Variants in TRAPPC9 observed in about 807,000 individuals in gnomAD.
TRAPPC9 encodes the protein IKK2 binding protein.
A neutral mutation model predicts 124.0 loss-of-function variants in TRAPPC9; 83 were observed. The observed-to-expected ratio is 0.67, with a 90% confidence interval of 0.56 to 0.80. The LOEUF (loss-of-function observed/expected upper bound fraction) is 0.80. TRAPPC9 is among the 30% of genes least tolerant of loss of function. The pLI is 0.00. For missense variants in TRAPPC9, 1,302 were observed against 1,508.3 expected, an observed-to-expected ratio of 0.86 and a Z score of 2.27; for synonymous variants, 638 against 617.5, an observed-to-expected ratio of 1.03 and a Z score of -0.49.
chr8:139,845,822 G>C (rs1827039427), intron 21 of TRAPPC9, among the ~76,000 whole-genome samples: 1 of 152,374 alleles, frequency 6.6e-6, no homozygotes, highest in East Asian at 1.9e-4. Context: ...GCTACTTGCA[G>C]CCAAGTAGAC....
intron 17 of TRAPPC9, among the ~76,000 whole-genome samples, chr8:140,120,580 A>G (rs1462075937): frequency 1.3e-5 from 2 of 151,920 alleles, no homozygotes; most frequent in East Asian, 3.9e-4. Context: ...ACATCCATCC[A>G]TCCATTCATC....
At chr8:139,989,691 C>T (rs1323140703) in intron 18 of TRAPPC9, among the ~76,000 whole-genome samples, 1 of 152,180 alleles carries the variant, frequency 6.6e-6, no homozygotes, top group Non-Finnish European at 1.5e-5. Flanking sequence ...GGGTCGGAGG[C>T]GCTTGAGAGC....
At chr8:139,795,738 G>A (rs1376301068) in intron 21 of TRAPPC9, among the ~76,000 whole-genome samples, 2 of 152,100 alleles carry the variant, frequency 1.3e-5, no homozygotes, top group Non-Finnish European at 2.9e-5. Flanking sequence ...ATGTCATGAT[G>A]CTCTCCTGGG....
At chr8:140,392,510 T>A (rs1019394027) in intron 7 of TRAPPC9, among the ~76,000 whole-genome samples, 1 of 152,212 alleles carries the variant, frequency 6.6e-6, no homozygotes, top group South Asian at 2.1e-4. Context: ...GTTTATCTGC[T>A]CAGTACCCAT....
chr8:140,105,815 G>A, intron 17 of TRAPPC9, among the ~76,000 whole-genome samples: 1 of 152,254 alleles, frequency 6.6e-6, no homozygotes, highest in East Asian at 1.9e-4. Flanking sequence ...ACTGCATGCA[G>A]TCTGAATCTC....
At chr8:140,443,196 G>A (rs2071098384) in intron 2 of TRAPPC9, among the ~76,000 whole-genome samples, 1 of 143,126 alleles carries the variant, frequency 7.0e-6, no homozygotes, top group Non-Finnish European at 1.5e-5. Context: ...AGCACTTTGG[G>A]AGGCCAAGGC....
At chr8:140,359,247 C>T (rs1232177444) in intron 9 of TRAPPC9, among the ~76,000 whole-genome samples, 1 of 152,160 alleles carries the variant, frequency 6.6e-6, no homozygotes, top group Non-Finnish European at 1.5e-5. Context: ...TCCCAATACA[C>T]TCTGCACACA....
At chr8:140,406,247 T>G (rs970752306) in intron 5 of TRAPPC9, among the ~76,000 whole-genome samples, 2 of 152,098 alleles carry the variant, frequency 1.3e-5, no homozygotes, top group African/African-American at 4.8e-5. Flanking sequence ...TGGAGCAACT[T>G]CCATTTAAAG....
chr8:140,287,887 G>A (rs1162799500), intron 12 of TRAPPC9, among the ~76,000 whole-genome samples, 153 bp from the exon 13 acceptor site: 2 of 152,216 alleles, frequency 1.3e-5, no homozygotes, highest in East Asian at 1.9e-4. Context: ...ACAGTGTACA[G>A]TGTAACACAA....
chr8:140,055,622 T>C (rs956592321), intron 17 of TRAPPC9, among the ~76,000 whole-genome samples: 11 of 152,156 alleles, frequency 7.2e-5, no homozygotes, highest in Non-Finnish European at 1.3e-4. Flanking sequence ...AAAACATTAC[T>C]CTACAAGCTA....
intron 21 of TRAPPC9, among the ~76,000 whole-genome samples, chr8:139,792,891 T>C (rs542025146): frequency 1.3e-5 from 2 of 152,348 alleles, no homozygotes; most frequent in African/African-American, 4.8e-5. Flanking sequence ...GCAAGAGGAA[T>C]ACAGGGTCTC....
At chr8:140,007,491 A>T (rs554167850) in intron 18 of TRAPPC9, among the ~76,000 whole-genome samples, 21 of 152,354 alleles carry the variant, frequency 1.4e-4, no homozygotes, top group Middle Eastern at 3.4e-3. Flanking sequence ...ACAACCTGAA[A>T]TCATGTTTCA....
intron 9 of TRAPPC9, among the ~76,000 whole-genome samples, chr8:140,333,617 C>T (rs1422698708): frequency 2.0e-5 from 3 of 152,208 alleles, no homozygotes; most frequent in African/African-American, 7.2e-5. Flanking sequence ...TCTCAAACTC[C>T]TGACCTCAGG....
At chr8:139,828,347 C>T (rs1825772472) in intron 21 of TRAPPC9, among the ~76,000 whole-genome samples, 1 of 152,210 alleles carries the variant, frequency 6.6e-6, no homozygotes, top group Admixed American at 6.5e-5. Context: ...TCCTAGCATT[C>T]TCTTTTATGA....
At chr8:140,390,733 G>GGTGCAATATACCAGACTCTTGTTC in intron 7 of TRAPPC9, among the ~76,000 whole-genome samples, 1 of 152,248 alleles carries the variant, frequency 6.6e-6, no homozygotes, top group Admixed American at 6.5e-5. Flanking sequence ...CTAAAGACAA[G>GGTGCAATATACCAGACTCTTGTTC]GTGCAATATA....
At chr8:139,804,740 C>T (rs1292319107) in intron 21 of TRAPPC9, among the ~76,000 whole-genome samples, 1 of 149,944 alleles carries the variant, frequency 6.7e-6, no homozygotes, top group East Asian at 2.0e-4. Flanking sequence ...CCACCACCAC[C>T]ACCACCAAGC....
At chr8:140,271,661 C>T (rs61676275) in intron 15 of TRAPPC9, among the ~76,000 whole-genome samples, 16,599 of 152,220 alleles carry the variant, frequency 0.11, 2,106 homozygotes, top group East Asian at 0.7. Context: ...CACCAATCAT[C>T]GGGGAAAAGC....
intron 21 of TRAPPC9, among the ~76,000 whole-genome samples, chr8:139,804,395 C>A (rs1311906444): frequency 7.4e-6 from 1 of 135,126 alleles, no homozygotes; most frequent in African/African-American, 2.8e-5. Context: ...AACACCACCA[C>A]CACACACACA....
intron 17 of TRAPPC9, among the ~76,000 whole-genome samples, chr8:140,143,886 T>A (rs2061417719): frequency 6.6e-6 from 1 of 152,222 alleles, no homozygotes; most frequent in Non-Finnish European, 1.5e-5. Context: ...TGGTCTGCCA[T>A]CTGGCTGACA....
Sources: gnomAD v4.1 joint callset for allele counts (sites outside exome capture counted in the v4.1 genomes callset) on GRCh38, gnomAD v4.1.1 for gene constraint, MANE v1.5 for transcripts, NCBI Gene and HGNC (gene_info 2026-07-23, HGNC 2026-07-21) for gene names.